The following RNF144A variants were observed in gnomAD, a reference collection of about 807,000 sequenced individuals.
RNF144A encodes E3 ubiquitin-protein ligase RNF144A.
RNF144A carries 11 observed loss-of-function variants against 38.7 expected under a neutral mutation model. The ratio of observed to expected loss-of-function variants is 0.28; its 90% CI spans 0.18 to 0.47. The LOEUF (loss-of-function observed/expected upper bound fraction) is 0.47, where lower values mean the gene tolerates loss of function less well. Among genes scored for constraint, RNF144A ranks in the 20% least tolerant of loss-of-function variants. The pLI, the probability that RNF144A is intolerant of heterozygous loss-of-function variation, is 0.99. For missense variants in RNF144A, 316 were observed against 377.2 expected (o/e 0.84, Z 1.34); for synonymous variants, 149 against 143.9 (o/e 1.04, Z -0.25).
chr2:6,980,811 A>G (rs992732977), intron 2 of RNF144A, among the ~76,000 whole-genome samples: 1 of 152,184 alleles, frequency 6.6e-6, no homozygotes, highest in African/African-American at 2.4e-5. Flanking sequence ...CACACTGCCC[A>G]TGAAGGTTCT....
chr2:6,983,840 C>T (rs942568929), intron 2 of RNF144A, among the ~76,000 whole-genome samples: 2 of 152,318 alleles, frequency 1.3e-5, no homozygotes, highest in African/African-American at 2.4e-5. Context: ...ATGGCAGCTC[C>T]GTCCTGCTGC....
chr2:7,027,668 G>A (rs1056939626), intron 7 of RNF144A, among the ~76,000 whole-genome samples: 2 of 151,888 alleles, frequency 1.3e-5, no homozygotes, highest in South Asian at 2.1e-4. Flanking sequence ...GCGGCTTCCC[G>A]GAGCTTGCAC....
intron 2 of RNF144A, among the ~76,000 whole-genome samples, chr2:6,988,685 C>T (rs1007735316): frequency 7.2e-5 from 11 of 152,122 alleles, no homozygotes; most frequent in African/African-American, 2.7e-4. Flanking sequence ...GTCCTTTTCA[C>T]GTGTGTGAGC....
At chr2:6,999,921 C>G (rs1249658948) in intron 3 of RNF144A, among the ~76,000 whole-genome samples, 1 of 152,212 alleles carries the variant, frequency 6.6e-6, no homozygotes, top group Non-Finnish European at 1.5e-5. Context: ...GTCCACATCC[C>G]CCACTACCAA....
chr2:7,064,634 G>C (rs1340620127), intron 6 of RNF144A, among the ~76,000 whole-genome samples: 1 of 152,138 alleles, frequency 6.6e-6, no homozygotes, highest in Non-Finnish European at 1.5e-5. Context: ...TGAACAATGA[G>C]CACGGACCAA....
rs1244878084 is a variant in RNF144A at position 7,014,539 on chromosome 2, G to A, written c.221G>A (p.Gly74Asp). 4 of 1,604,736 alleles carry A rather than the reference G, an allele frequency of 2.5e-6. No individual in the cohort carries two copies. Among genetic ancestry groups the A allele is most frequent in the Non-Finnish European group, 3.4e-6 (4 of 1,175,988 alleles). Residue 74 changes from glycine (G) to aspartate (D), a missense_variant, in exon 4 of 9, where the codon GGC becomes GAC. Coordinates refer to ENST00000320892, the MANE Select transcript of RNF144A (RefSeq NM_014746.6). ...SCPDAACPKQ[G>D]HLQENEIECM... ...CCAGATGCTGCCTGCCCTAAACAGG[G>A]CCACCTACAGGAGAACGAGGCATGT...
At chr2:7,018,966 C>T (rs1053391529) in intron 5 of RNF144A, among the ~76,000 whole-genome samples, 5 of 152,002 alleles carry the variant, frequency 3.3e-5, no homozygotes, top group Admixed American at 6.6e-5. Context: ...AATCCAGTCC[C>T]GCCGGTGGCC....
chr2:6,968,371 A>G (rs1455252450), intron 2 of RNF144A, among the ~76,000 whole-genome samples: 1 of 152,258 alleles, frequency 6.6e-6, no homozygotes, highest in Non-Finnish European at 1.5e-5. Context: ...AACAGTGAAC[A>G]CTTCGGGCCC....
intron 6 of RNF144A, among the ~76,000 whole-genome samples, chr2:7,067,573 C>T (rs187662998): frequency 1.3e-5 from 2 of 152,234 alleles, no homozygotes; most frequent in Admixed American, 1.3e-4. Flanking sequence ...ACTGCTTGCA[C>T]CATCCAGTAT....
At chr2:6,920,715 T>C (rs1664489383) in intron 1 of RNF144A, among the ~76,000 whole-genome samples, 1 of 152,254 alleles carries the variant, frequency 6.6e-6, no homozygotes, top group South Asian at 2.1e-4. Context: ...TTCTTTTCTT[T>C]AAGAAGTAAT....
intron 3 of RNF144A, among the ~76,000 whole-genome samples, chr2:7,011,297 A>G (rs1670783033): frequency 6.6e-6 from 1 of 152,218 alleles, no homozygotes; most frequent in African/African-American, 2.4e-5. Context: ...CTCACTTACT[A>G]ACAATCCCTG....
Position 7,039,755 on chromosome 2 carries a change from A to G in RNF144A, c.874A>G (p.Thr292Ala). Reference sequence around the variant, plus strand: ...TAAAGGTGACGACGACCCGTTACCCACCTAGAGGAAGCGCGATGCTGGAAC... The same window carrying G: ...TAAAGGTGACGACGACCCGTTACCCGCCTAGAGGAAGCGCGATGCTGGAAC... ...CSKGDDDPLP[T>A] Residue 292 changes from threonine to alanine, a missense_variant, in exon 9 of 9, where the codon ACC becomes GCC. Coordinates refer to ENST00000320892, the MANE Select transcript of RNF144A (RefSeq NM_014746.6). The G allele has an allele frequency of 6.2e-7, 1 of 1,612,780 alleles. No individual in the cohort carries two copies. Among genetic ancestry groups the G allele is most frequent in the South Asian group, 1.1e-5 (1 of 90,982 alleles).
At chr2:6,999,014 A>T (rs1257927674) in intron 3 of RNF144A, among the ~76,000 whole-genome samples, 1 of 152,144 alleles carries the variant, frequency 6.6e-6, no homozygotes, top group Non-Finnish European at 1.5e-5. Flanking sequence ...TGAGGCCTTC[A>T]TTTTTGTTAT....
Position 6,944,684 on chromosome 2 carries a change from A to G in RNF144A, c.-12+3537A>G, listed in dbSNP as rs868737810. 2.6e-4 allele frequency among the ~76,000 whole-genome samples: 39 copies of G among 151,646 alleles called. No individual in the cohort carries two copies. Among genetic ancestry groups the G allele is most frequent in the Middle Eastern group, 3.4e-3 (1 of 294 alleles). ...TAGGGTCTCCTCAGGTGTGAGGGAG[A>G]CATTAAAGAACCCTGGAGAAAACAC... On this transcript the variant is annotated intron_variant, in intron 2 of 8. Transcript: ENST00000320892. The surrounding 1 kb of genome is among the most constrained non-coding windows in gnomAD (Gnocchi z 4.7).
intron 5 of RNF144A, 39 bp downstream of exon 5, chr2:7,014,811 A>G (rs372264532): frequency 1.3e-5 from 18 of 1,386,062 alleles, no homozygotes; most frequent in Admixed American, 8.5e-5. Context: ...GATTCCTGTA[A>G]TGTGTGAATG....
chr2:6,921,199 C>T (rs1485160919), intron 1 of RNF144A, among the ~76,000 whole-genome samples: 1 of 152,188 alleles, frequency 6.6e-6, no homozygotes, highest in Non-Finnish European at 1.5e-5. Flanking sequence ...TTGCTTCACT[C>T]CACAAATAAC....
At chr2:6,947,235 A>G (rs114394668) in intron 2 of RNF144A, among the ~76,000 whole-genome samples, 3,053 of 152,156 alleles carry the variant, frequency 0.02, 100 homozygotes, top group African/African-American at 0.07. Context: ...TATTTTTTAG[A>G]TTTAAGAAAT....
chr2:7,069,554 T>TCTTTC (rs1374849931), downstream of RNF144A, among the ~76,000 whole-genome samples: 1 of 152,248 alleles, frequency 6.6e-6, no homozygotes, highest in African/African-American at 2.4e-5. Context: ...CATATTCCCA[T>TCTTTC]CTTTCCCACT....
At chr2:6,951,606 A>C (rs959816960) in intron 2 of RNF144A, among the ~76,000 whole-genome samples, 2 of 152,238 alleles carry the variant, frequency 1.3e-5, no homozygotes, top group East Asian at 3.8e-4. Context: ...ACATCGTATC[A>C]CTATCCATGT....
Sources: gnomAD v4.1 joint callset for allele counts (sites outside exome capture counted in the v4.1 genomes callset) on GRCh38, gnomAD v4.1.1 for gene constraint, Gnocchi (gnomAD v3.1) non-coding constraint, MANE v1.5 for transcripts, NCBI Gene and HGNC (gene_info 2026-07-23, HGNC 2026-07-21) for gene names.